The following DYRK1A variants were observed in gnomAD, a reference collection of about 807,000 sequenced individuals.
DYRK1A encodes dual specificity tyrosine phosphorylation regulated kinase 1A.
In DYRK1A, 9 loss-of-function variants were observed where a neutral mutation model predicts 79.7. That is an observed-to-expected ratio of 0.11 (90% confidence interval 0.07 to 0.20). DYRK1A has a LOEUF of 0.20. DYRK1A is among the 10% of genes least tolerant of loss of function. The probability of loss-of-function intolerance (pLI) is 1.00; values close to 1 mark genes in which losing one functional copy is unlikely to be tolerated. For missense variants in DYRK1A, 622 were observed against 956.0 expected (o/e 0.65, Z 4.61); for synonymous variants, 349 against 329.7 (o/e 1.06, Z -0.63).
chr21:37,393,970 C>G (rs981518609), intron 1 of DYRK1A, among the ~76,000 whole-genome samples: 2 of 152,154 alleles, frequency 1.3e-5, no homozygotes, highest in African/African-American at 4.8e-5. Flanking sequence ...GTCATCTCCA[C>G]TGGATTCTGT....
At chr21:37,508,882 C>T (rs1229258608) in intron 11 of DYRK1A, among the ~76,000 whole-genome samples, 1 of 152,172 alleles carries the variant, frequency 6.6e-6, no homozygotes, top group African/African-American at 2.4e-5. Context: ...CCCAGGGGCT[C>T]TCTCTAAATC....
chr21:37,411,137 C>G lies in DYRK1A; in HGVS notation c.-76-9162C>G, dbSNP rs142333933. 4.9e-3 allele frequency among the ~76,000 whole-genome samples: 722 copies of G among 146,264 alleles called. 4 individuals are homozygous for G. The highest frequency in any genetic ancestry group is 0.044 in the Middle Eastern group (12 of 274). ...TTTTGGGAGGCCGAGGTGGGTAGAT[C>G]ATGAGGTCAGGAGTTCGAGACCAGC... On this transcript the variant is annotated intron_variant, in intron 1 of 11. Transcript: ENST00000647188.
Position 37,505,274 on chromosome 21 carries a change from C to G in DYRK1A, c.1213-9C>G. ...ATTTAGAGAAAGCCTTTCATCTTCT[C>G]TCTTACAGGAGTACAAACCACCAGG... On this transcript the variant is annotated splice_polypyrimidine_tract_variant and intron_variant, in intron 9 of 11. Coordinates refer to ENST00000647188, the MANE Select transcript of DYRK1A (RefSeq NM_001347721.2). The G allele has an allele frequency of 6.3e-7, 1 of 1,597,582 alleles. No homozygotes were observed. The highest frequency in any genetic ancestry group is 8.5e-7 in the Non-Finnish European group (1 of 1,169,950).
rs2053862604 is a variant in DYRK1A at position 37,515,128 on chromosome 21, T to G, written c.*2597T>G. On this transcript the variant is annotated 3_prime_UTR_variant, in exon 12 of 12. Coordinates refer to ENST00000647188, the MANE Select transcript of DYRK1A (RefSeq NM_001347721.2). ...AATGAAAAAAGAACCCCCCTTTGTA[T>G]TATAGTCATGCGGTCTTATGTATGA... is the stretch of plus-strand genomic sequence containing the variant. The G allele has an allele frequency of 6.6e-6, 1 of 152,660 alleles. No individual in the cohort carries two copies. The highest frequency in any genetic ancestry group is 1.5e-5 in the Non-Finnish European group (1 of 68,046). 9.5% of individuals were successfully genotyped at this position (152,660 alleles called of 1,614,324 possible).
intron 2 of DYRK1A, among the ~76,000 whole-genome samples, chr21:37,448,281 T>A (rs2051334503): frequency 6.6e-6 from 1 of 152,216 alleles, no homozygotes; most frequent in African/African-American, 2.4e-5. Context: ...ATGACAAGTA[T>A]TAAAGCACTT....
chr21:37,390,922 C>G (rs182020062), intron 1 of DYRK1A, among the ~76,000 whole-genome samples: 4 of 152,108 alleles, frequency 2.6e-5, no homozygotes, highest in Non-Finnish European at 5.9e-5. Context: ...CCTGTTCTTT[C>G]TTTTGTGATG....
intron 6 of DYRK1A, among the ~76,000 whole-genome samples, chr21:37,489,062 T>C (rs1218670408): frequency 6.6e-6 from 1 of 152,146 alleles, no homozygotes; most frequent in East Asian, 1.9e-4. Flanking sequence ...CCATGAAAGA[T>C]CTAAAAGCAA....
intron 2 of DYRK1A, among the ~76,000 whole-genome samples, chr21:37,463,358 A>G (rs1285526512): frequency 2.0e-5 from 3 of 152,186 alleles, no homozygotes; most frequent in Admixed American, 6.5e-5. Context: ...GTCATTGCTT[A>G]CTTTCACTTT....
chr21:37,468,505 CTAGG>C (rs1269067487), intron 2 of DYRK1A, among the ~76,000 whole-genome samples: 1 of 151,946 alleles, frequency 6.6e-6, no homozygotes, highest in African/African-American at 2.4e-5. Context: ...GAACAGAGAC[CTAGG>C]TAGGTAAGTC....
intron 9 of DYRK1A, chr21:37,501,785 A>G (rs1487521229): frequency 6.6e-6 from 1 of 152,086 alleles, no homozygotes; most frequent in Non-Finnish European, 1.5e-5. Context: ...ATTTTTCTTC[A>G]TATCTTTTAT....
intron 2 of DYRK1A, among the ~76,000 whole-genome samples, chr21:37,448,505 T>A (rs1216207136): frequency 6.6e-6 from 1 of 152,170 alleles, no homozygotes; most frequent in African/African-American, 2.4e-5. Context: ...AGATAACACT[T>A]TTTATAACAT....
intron 2 of DYRK1A, among the ~76,000 whole-genome samples, chr21:37,452,777 T>G (rs950603633): frequency 2.6e-5 from 2 of 78,200 alleles, no homozygotes; most frequent in African/African-American, 1.1e-4. Context: ...TTTTTTTTTT[T>G]GCTTGAGGAT....
Position 37,452,141 on chromosome 21 carries a change from C to CT in DYRK1A, c.11-20530dup, listed in dbSNP as rs781577683. ...AGTATTGTGAAGTATTGATTTTGAG[C>CT]TTTTTTTTTTTTTGGTTGTGGACAT... On this transcript the variant is annotated intron_variant, in intron 2 of 11. Transcript: ENST00000647188. 8.9e-3 allele frequency among the ~76,000 whole-genome samples: 1,257 copies of CT among 140,972 alleles called. 12 individuals carry two copies. Among genetic ancestry groups the CT allele is most frequent in the African/African-American group, 0.029 (1,115 of 38,408 alleles). The allele number at this position is 140,972 out of a possible 152,430, so 92.5% of individuals were successfully genotyped here.
At chr21:37,390,447 C>T (rs2049848610) in intron 1 of DYRK1A, among the ~76,000 whole-genome samples, 1 of 152,206 alleles carries the variant, frequency 6.6e-6, no homozygotes. Context: ...AGCAGTTTAA[C>T]ATGGAGACAT....
At chr21:37,481,388 CTTTA>C (rs919888932) in intron 5 of DYRK1A, 18 of 152,020 alleles carry the variant, frequency 1.2e-4, no homozygotes, top group African/African-American at 3.1e-4. Context: ...TCTCCTTGTG[CTTTA>C]TTTATTTATT....
chr21:37,508,904 C>T (rs758019063), intron 11 of DYRK1A, among the ~76,000 whole-genome samples: 10 of 152,170 alleles, frequency 6.6e-5, no homozygotes, highest in Admixed American at 1.3e-4. Context: ...TTAGACCATC[C>T]GCCTGTCTTG....
intron 3 of DYRK1A, among the ~76,000 whole-genome samples, chr21:37,474,109 G>T (rs2052318434): frequency 6.6e-6 from 1 of 152,144 alleles, no homozygotes; most frequent in Admixed American, 6.5e-5. Context: ...TGACTTTTCC[G>T]TGTGTGAGCA....
At chr21:37,438,063 A>G (rs1285178438) in intron 2 of DYRK1A, among the ~76,000 whole-genome samples, 1 of 151,896 alleles carries the variant, frequency 6.6e-6, no homozygotes, top group Non-Finnish European at 1.5e-5. Context: ...GTGATATCTC[A>G]TTGTGTTTCT....
At position 37,430,403 on chromosome 21, in the gene DYRK1A, C is replaced by G. The variant is rs117029590; in HGVS notation, c.10+10019C>G. 429 of 985,314 alleles carry G rather than the reference C, an allele frequency of 4.4e-4. 5 individuals are homozygous for G. The East Asian group carries it at 0.017, about 39-fold the overall frequency. 61.0% of individuals were successfully genotyped at this position (985,314 alleles called of 1,614,324 possible). The stretch of plus-strand genomic sequence containing the variant: ...AGAAATGTTACCACTGGATTGAGGT[C>G]TGGTACATTTTAAAAGATGATTTAA... On this transcript the variant is annotated intron_variant, in intron 2 of 11. Transcript: ENST00000647188.
Sources: allele counts gnomAD v4.1 joint callset (sites outside exome capture counted in the v4.1 genomes callset), GRCh38; gene constraint gnomAD v4.1.1; transcripts MANE v1.5; gene names NCBI Gene and HGNC (gene_info 2026-07-23, HGNC 2026-07-21).